The following FMNL2 variants were observed in gnomAD, a reference collection of about 807,000 sequenced individuals.
FMNL2 encodes formin-like protein 2.
A neutral mutation model predicts 130.2 loss-of-function variants in FMNL2; 51 were observed. The ratio of observed to expected loss-of-function variants is 0.39; its 90% CI spans 0.31 to 0.49. The LOEUF is 0.49. Among genes scored for constraint, FMNL2 ranks in the 20% least tolerant of loss-of-function variants. FMNL2 has a pLI of 0.85. For synonymous variants in FMNL2, 465 were observed against 467.1 expected (o/e 1.00, Z 0.06); for missense variants, 977 against 1,316.2 (o/e 0.74, Z 3.99).
At chr2:152,610,674 C>T (rs964527276) in intron 10 of FMNL2, among the ~76,000 whole-genome samples, 9 of 152,206 alleles carry the variant, frequency 5.9e-5, no homozygotes, top group Non-Finnish European at 1.3e-4. Flanking sequence ...GGATATACCA[C>T]ATTTTGTTTA....
intron 1 of FMNL2, among the ~76,000 whole-genome samples, chr2:152,369,440 T>A (rs1446423111): frequency 6.6e-6 from 1 of 152,244 alleles, no homozygotes; most frequent in African/African-American, 2.4e-5. Context: ...TGACCTTAAG[T>A]ATGGCTTTCA....
chr2:152,492,961 G>A (rs1331845713), intron 1 of FMNL2, among the ~76,000 whole-genome samples: 1 of 152,180 alleles, frequency 6.6e-6, no homozygotes, highest in Non-Finnish European at 1.5e-5. Flanking sequence ...CGTCAACAAG[G>A]AAGTACCTAA....
chr2:152,553,467 A>C (rs1336420573), intron 4 of FMNL2, among the ~76,000 whole-genome samples: 3 of 151,964 alleles, frequency 2.0e-5, no homozygotes, highest in Admixed American at 1.3e-4. Context: ...AATTCCACAC[A>C]AGTTAGAAGC....
chr2:152,555,423 C>T (rs1377774748), intron 4 of FMNL2, among the ~76,000 whole-genome samples: 1 of 152,216 alleles, frequency 6.6e-6, no homozygotes, highest in Non-Finnish European at 1.5e-5. Context: ...GAATTAACTG[C>T]TTTTTCCTTT....
intron 3 of FMNL2, among the ~76,000 whole-genome samples, chr2:152,547,790 A>G (rs1270648570): frequency 6.6e-6 from 1 of 152,200 alleles, no homozygotes; most frequent in Non-Finnish European, 1.5e-5. Context: ...CCTGAGCCAG[A>G]ATTCTCAAAG....
intron 1 of FMNL2, among the ~76,000 whole-genome samples, chr2:152,505,100 C>A (rs939815081): frequency 1.3e-5 from 2 of 152,100 alleles, no homozygotes; most frequent in African/African-American, 4.8e-5. Context: ...TGAAAAGTCA[C>A]ACACGAGTCT....
chr2:152,469,114 G>A (rs533891902), intron 1 of FMNL2, among the ~76,000 whole-genome samples: 8 of 152,152 alleles, frequency 5.3e-5, no homozygotes, highest in Non-Finnish European at 1.2e-4. Flanking sequence ...ATACACTGAC[G>A]CTGTTGATTC....
intron 2 of FMNL2, among the ~76,000 whole-genome samples, chr2:152,541,820 A>C (rs746127397): frequency 6.6e-6 from 1 of 151,964 alleles, no homozygotes; most frequent in Non-Finnish European, 1.5e-5. Context: ...CATGCAGTAC[A>C]TGGCTTGTTT....
chr2:152,400,203 C>T (rs956863665), intron 1 of FMNL2, among the ~76,000 whole-genome samples: 2 of 152,106 alleles, frequency 1.3e-5, no homozygotes, highest in East Asian at 1.9e-4. Context: ...GAAGCCGAGG[C>T]GGGCGGATCA....
intron 1 of FMNL2, among the ~76,000 whole-genome samples, chr2:152,390,797 G>GTC (rs1344735679): frequency 2.0e-5 from 3 of 152,288 alleles, no homozygotes; most frequent in African/African-American, 7.2e-5. Flanking sequence ...GGGGCTTGGG[G>GTC]TCTTGTCTTC....
At chr2:152,465,799 G>C (rs1354462882) in intron 1 of FMNL2, among the ~76,000 whole-genome samples, 1 of 152,302 alleles carries the variant, frequency 6.6e-6, no homozygotes, top group East Asian at 1.9e-4. Context: ...GGGCACCTGT[G>C]GGCTTGCGCC....
chr2:152,599,254 A>ACT (rs1697921048), intron 9 of FMNL2, among the ~76,000 whole-genome samples: 1 of 151,930 alleles, frequency 6.6e-6, no homozygotes, highest in Non-Finnish European at 1.5e-5. Context: ...GCCTTGAAAG[A>ACT]CTCTATGTGT....
At position 152,649,166 on chromosome 2, in the gene FMNL2, T is replaced by C. The variant is rs1683865036; in HGVS notation, c.*1261T>C. On this transcript the variant is annotated 3_prime_UTR_variant, in exon 26 of 26. Transcript: ENST00000288670. ...AAGTTCCTATTTTATGTTGTGCTTA[T>C]GTGAACCCCTTGGTGAAGGTCCCTT... 1 of 152,650 alleles carries C rather than the reference T, an allele frequency of 6.6e-6. No individual in the cohort carries two copies. The highest frequency in any genetic ancestry group is 2.4e-5 in the African/African-American group (1 of 41,468). The allele number at this position is 152,650 out of a possible 1,614,324, so 9.5% of individuals were successfully genotyped here.
intron 1 of FMNL2, among the ~76,000 whole-genome samples, chr2:152,436,546 T>A (rs1161555264): frequency 6.6e-6 from 1 of 152,202 alleles, no homozygotes; most frequent in Admixed American, 6.5e-5. Context: ...TCAGCATAGA[T>A]GTTCTTGGCA....
At chr2:152,369,835 A>G (rs1683773131) in intron 1 of FMNL2, among the ~76,000 whole-genome samples, 2 of 152,228 alleles carry the variant, frequency 1.3e-5, no homozygotes, top group Admixed American at 6.5e-5. Context: ...GAAGGCATTT[A>G]TAGCATAATG....
At chr2:152,611,054 A>C (rs114466456) in intron 10 of FMNL2, among the ~76,000 whole-genome samples, 2,107 of 152,318 alleles carry the variant, frequency 0.014, 52 homozygotes, top group African/African-American at 0.048. Flanking sequence ...AAATATTTTT[A>C]AAGAGGCCGG....
chr2:152,605,548 C>T (rs1292172092), intron 9 of FMNL2, among the ~76,000 whole-genome samples: 1 of 152,114 alleles, frequency 6.6e-6, no homozygotes, highest in South Asian at 2.1e-4. Context: ...CAGTCTTGAA[C>T]TCTGGGGCTC....
At chr2:152,481,446 G>A (rs1373511730) in intron 1 of FMNL2, among the ~76,000 whole-genome samples, 1 of 152,118 alleles carries the variant, frequency 6.6e-6, no homozygotes, top group African/African-American at 2.4e-5. Flanking sequence ...GGCCTTTTTA[G>A]TACTTTTCTA....
chr2:152,617,392 C>G (rs1273219628), intron 13 of FMNL2, among the ~76,000 whole-genome samples, 200 bp downstream of exon 13: 1 of 152,226 alleles, frequency 6.6e-6, no homozygotes, highest in Non-Finnish European at 1.5e-5. Flanking sequence ...CAATCAGATA[C>G]TGGGGGTTCA....
Sources: gnomAD v4.1 joint callset for allele counts (sites outside exome capture counted in the v4.1 genomes callset) on GRCh38, gnomAD v4.1.1 for gene constraint, MANE v1.5 for transcripts, NCBI Gene and HGNC (gene_info 2026-07-23, HGNC 2026-07-21) for gene names.